Variants in FAT3 observed in about 807,000 individuals in gnomAD.
FAT3 encodes FAT atypical cadherin 3, also known as protocadherin Fat 3.
FAT3 carries 95 observed loss-of-function variants against 310.2 expected under a neutral mutation model. The observed-to-expected ratio is 0.31, with a 90% CI of 0.26 to 0.36. The LOEUF (loss-of-function observed/expected upper bound fraction) is 0.36. FAT3 is among the 10% of genes least tolerant of loss of function. The probability of loss-of-function intolerance (pLI) is 1.00; values close to 1 mark genes in which losing one functional copy is unlikely to be tolerated. For synonymous variants in FAT3, 2,314 were observed against 2,192.9 expected (o/e 1.06, Z -1.54); for missense variants, 5,408 against 5,715.6 (o/e 0.95, Z 1.74).
intron 2 of FAT3, among the ~76,000 whole-genome samples, chr11:92,412,902 G>T (rs921628446): frequency 4.0e-5 from 6 of 151,286 alleles, no homozygotes; most frequent in African/African-American, 1.5e-4. Context: ...CACCACCAGA[G>T]TGGTATGGTT....
chr11:92,319,957 G>A lies in FAT3; in HGVS notation c.-17-32139G>A, dbSNP rs757509432. Among the ~76,000 whole-genome samples the A allele has an allele frequency of 5.3e-4, 80 of 152,170 alleles. 1 individual carries two copies. The highest frequency in any genetic ancestry group is 8.8e-4 in the Non-Finnish European group (60 of 68,038). ...AGTTTGTCAAACACGGGTAAAGGAAGTAAGCAAGTTTTTCTTATGCATGCT... is the reference window on the plus strand; with the variant it reads ...AGTTTGTCAAACACGGGTAAAGGAAATAAGCAAGTTTTTCTTATGCATGCT... On this transcript the variant is annotated intron_variant, in intron 1 of 27. Transcript: ENST00000525166.
intron 2 of FAT3, among the ~76,000 whole-genome samples, chr11:92,436,756 G>A (rs1950948988): frequency 1.3e-5 from 2 of 152,156 alleles, no homozygotes; most frequent in Admixed American, 1.3e-4. Flanking sequence ...TGAACTCTGA[G>A]TTTCCAATTT....
At position 92,827,278 on chromosome 11, in the gene FAT3, A is replaced by G. The variant is rs74807347; in HGVS notation, c.9482-4344A>G. On this transcript the variant is annotated intron_variant, in intron 13 of 27. Coordinates refer to ENST00000525166, the MANE Select transcript of FAT3 (RefSeq NM_001367949.2). ...CTTGTCATGATCCAGCTGAATGTGGATTTTTCCTTTGTTGATTCTGGCCCA... is the reference window on the plus strand; with the variant it reads ...CTTGTCATGATCCAGCTGAATGTGGGTTTTTCCTTTGTTGATTCTGGCCCA... 9.8e-3 allele frequency among the ~76,000 whole-genome samples: 1,486 copies of G among 152,224 alleles called. 17 individuals carry two copies. Among genetic ancestry groups the G allele is most frequent in the African/African-American group, 0.034 (1,421 of 41,522 alleles).
At chr11:92,229,491 T>TG (rs1555062543) in intron 1 of FAT3, among the ~76,000 whole-genome samples, 2 of 67,490 alleles carry the variant, frequency 3.0e-5, no homozygotes, top group African/African-American at 1.1e-4. Context: ...TGTTTTTTCG[T>TG]GTTTTTTTTT....
intron 4 of FAT3, among the ~76,000 whole-genome samples, chr11:92,703,762 T>G (rs999913814): frequency 6.6e-6 from 1 of 152,258 alleles, no homozygotes; most frequent in African/African-American, 2.4e-5. Flanking sequence ...GGCCAAGTAC[T>G]AAGGTTTTCT....
intron 2 of FAT3, among the ~76,000 whole-genome samples, chr11:92,387,631 T>C (rs563090384): frequency 2.6e-5 from 4 of 152,332 alleles, no homozygotes; most frequent in African/African-American, 9.6e-5. Context: ...GAATTAATGA[T>C]GCTTCTCAAG....
intron 1 of FAT3, among the ~76,000 whole-genome samples, chr11:92,255,200 C>T (rs1865268759): frequency 6.6e-6 from 1 of 152,086 alleles, no homozygotes; most frequent in African/African-American, 2.4e-5. Context: ...AAGTGGCTAC[C>T]TGTGCTGTGT....
At chr11:92,757,708 G>A (rs1395366588) in intron 4 of FAT3, among the ~76,000 whole-genome samples, 1 of 152,198 alleles carries the variant, frequency 6.6e-6, no homozygotes, top group African/African-American at 2.4e-5. Flanking sequence ...AGACTTTGAG[G>A]TTAGCAGTGT....
At chr11:92,762,426 A>G (rs536961887) in intron 5 of FAT3, among the ~76,000 whole-genome samples, 1 of 152,260 alleles carries the variant, frequency 6.6e-6, no homozygotes, top group Admixed American at 6.5e-5. Context: ...CTGTTTCACC[A>G]CATACTCAAC....
intron 21 of FAT3, 65 bp from the exon 22 acceptor site, chr11:92,866,676 A>C: frequency 7.0e-7 from 1 of 1,434,178 alleles, no homozygotes; most frequent in Non-Finnish European, 9.4e-7. Context: ...GGCCAGGAGC[A>C]GGGTGTAGGG....
In FAT3 at chr11:92,229,490, G is replaced by A. The variant is rs1380134876; in HGVS notation, c.-18+4316G>A. 1.5e-4 allele frequency among the ~76,000 whole-genome samples: 7 copies of A among 46,840 alleles called. 1 individual carries two copies. Among genetic ancestry groups the A allele is most frequent in the African/African-American group, 3.1e-4 (4 of 13,098 alleles). The allele number at this position is 46,840 out of a possible 152,430, so 30.7% of individuals were successfully genotyped here. On this transcript the variant is annotated intron_variant, in intron 1 of 27. Coordinates refer to ENST00000525166, the MANE Select transcript of FAT3 (RefSeq NM_001367949.2). ...CCTTGTTTTCTTTTTTTGTTTTTTC[G>A]TGTTTTTTTTTTTTTTGTTTTTTGT...
In FAT3 at chr11:92,889,854, A is replaced by G. The variant is rs1949877017; in HGVS notation, c.13112-2A>G. Reference sequence around the variant, plus strand: ...TTTACTTTTCACTTTGTATTTAAACAGTGTCTGTCATGGACCAAGGACAGA... The same window carrying G: ...TTTACTTTTCACTTTGTATTTAAACGGTGTCTGTCATGGACCAAGGACAGA... On this transcript the variant is annotated splice_acceptor_variant, in intron 26 of 27. Coordinates refer to ENST00000525166, the MANE Select transcript of FAT3 (RefSeq NM_001367949.2). LOFTEE classifies it high-confidence loss of function. The G allele has an allele frequency of 1.4e-6, 1 of 718,044 alleles. No individual in the cohort carries two copies. 44.5% of individuals were successfully genotyped at this position (718,044 alleles called of 1,614,324 possible).
chr11:92,412,746 A>ATACACACACATATATATATAT (rs1591252852), intron 2 of FAT3, among the ~76,000 whole-genome samples: 1 of 18,080 alleles, frequency 5.5e-5, no homozygotes, highest in Non-Finnish European at 1.1e-4. Flanking sequence ...TATATATATA[A>ATACACACACATATATATATAT]ATATACATAC....
chr11:92,334,613 G>A (rs1948006678), intron 1 of FAT3, among the ~76,000 whole-genome samples: 1 of 150,478 alleles, frequency 6.6e-6, no homozygotes, highest in African/African-American at 2.5e-5. Flanking sequence ...AGAAAATACT[G>A]TCAACAAAGA....
intron 13 of FAT3, among the ~76,000 whole-genome samples, chr11:92,814,987 G>A (rs938684217): frequency 1.3e-5 from 2 of 152,168 alleles, no homozygotes; most frequent in Admixed American, 6.5e-5. Context: ...CAACTAAATA[G>A]TTGAGAGAAC....
chr11:92,532,969 G>A (rs943469225), intron 3 of FAT3, among the ~76,000 whole-genome samples: 1 of 152,128 alleles, frequency 6.6e-6, no homozygotes, highest in Non-Finnish European at 1.5e-5. Flanking sequence ...TAAGTATTCA[G>A]TGCCCATTTA....
At chr11:92,815,882 G>T (rs1381895477) in intron 13 of FAT3, among the ~76,000 whole-genome samples, 1 of 152,198 alleles carries the variant, frequency 6.6e-6, no homozygotes, top group African/African-American at 2.4e-5. Flanking sequence ...CCTTCAAGGG[G>T]TTTACAGTCA....
chr11:92,270,382 A>C (rs966590592), intron 1 of FAT3, among the ~76,000 whole-genome samples: 3 of 151,922 alleles, frequency 2.0e-5, no homozygotes, highest in Admixed American at 1.3e-4. Context: ...ACTGGTTTTA[A>C]ATATCATCTA....
At chr11:92,383,411 G>A (rs975151803) in intron 2 of FAT3, among the ~76,000 whole-genome samples, 6 of 152,220 alleles carry the variant, frequency 3.9e-5, no homozygotes, top group Non-Finnish European at 5.9e-5. Flanking sequence ...TGTAGGTGAT[G>A]TGCAGACCAC....
Sources: gnomAD v4.1 joint callset for allele counts (sites outside exome capture counted in the v4.1 genomes callset) on GRCh38, gnomAD v4.1.1 for gene constraint, MANE v1.5 for transcripts, NCBI Gene and HGNC (gene_info 2026-07-23, HGNC 2026-07-21) for gene names.